The following SKIDA1 variants were observed in gnomAD, a reference collection of about 807,000 sequenced individuals.
SKIDA1 encodes SKI/DACH domain-containing protein 1.
SKIDA1 carries 18 observed loss-of-function variants against 51.4 expected under a neutral mutation model. That is an observed-to-expected ratio of 0.35 (90% CI 0.24 to 0.52). SKIDA1 has a LOEUF of 0.52. Among genes scored for constraint, SKIDA1 ranks in the 20% least tolerant of loss-of-function variants. The pLI is 0.95. For missense variants in SKIDA1, 1,104 were observed against 1,180.6 expected (o/e 0.94, Z 0.95); for synonymous variants, 579 against 500.5 (o/e 1.16, Z -2.09).
At position 21,516,059 on chromosome 10, in the gene SKIDA1, T is replaced by C. The variant is rs745522377; in HGVS notation, c.1764A>G (p.Ala588=). The C allele has an allele frequency of 6.2e-7, 1 of 1,614,074 alleles. No homozygotes were observed. Among genetic ancestry groups the C allele is most frequent in the Non-Finnish European group, 8.5e-7 (1 of 1,179,898 alleles). Residue 588 remains alanine, a synonymous_variant, in exon 4 of 4, where the codon GCA becomes GCG. Coordinates refer to ENST00000449193, the MANE Select transcript of SKIDA1 (RefSeq NM_207371.4). The surrounding 1 kb of genome is among the most constrained non-coding windows in gnomAD (Gnocchi z 5.7). Reference sequence around the variant, plus strand: ...CTCGGAGTATTCTTTGTTGTGGAAATGCATTGTTTGTCTTTGGGCTAGGTG... The same window carrying C: ...CTCGGAGTATTCTTTGTTGTGGAAACGCATTGTTTGTCTTTGGGCTAGGTG... ...ASSPSPKTNN[A]FPQQRILREA... is the part of the protein sequence containing the mutation.
chr10:21,517,392 C>T lies in SKIDA1; in HGVS notation c.431G>A (p.Gly144Glu), dbSNP rs7072980. 5.8e-3 allele frequency: 8,236 copies of T among 1,427,930 alleles called. 412 individuals are homozygous for T. The African/African-American group carries it at 0.11, about 19-fold the overall frequency. 88.5% of individuals were successfully genotyped at this position (1,427,930 alleles called of 1,614,324 possible). A position where few individuals can be genotyped will look rare whatever the true frequency, so the allele number is the denominator to read the frequency against. Residue 144 changes from glycine to glutamate, a missense_variant, in exon 4 of 4, where the codon GGA (glycine) becomes GAA (glutamate). This residue lies in a region of SKIDA1 where 938 missense variants were observed against 886.4 expected (regional missense o/e 1.06). Transcript: ENST00000449193. The surrounding 1 kb of genome is among the most constrained non-coding windows in gnomAD (Gnocchi z 6.9). ...GCTGATTGGCAGGGGCCGCGCGGCTCCGCTCAGGCCCCGCCAAAGTTGGTG... is the reference window on the plus strand; with the variant it reads ...GCTGATTGGCAGGGGCCGCGCGGCTTCGCTCAGGCCCCGCCAAAGTTGGTG... Reference protein sequence around the residue: ...DKHQLWRGLSGAARPLPISAQ... With the variant: ...DKHQLWRGLSEAARPLPISAQ...
Position 21,513,703 on chromosome 10 carries a change from T to A in SKIDA1, c.*1393A>T, listed in dbSNP as rs1236591255. The A allele has an allele frequency of 6.6e-6, 1 of 152,592 alleles. No individual in the cohort carries two copies. Among genetic ancestry groups the A allele is most frequent in the Non-Finnish European group, 1.5e-5 (1 of 68,028 alleles). The allele number at this position is 152,592 out of a possible 1,614,324, so 9.5% of individuals were successfully genotyped here. On this transcript the variant is annotated 3_prime_UTR_variant, in exon 4 of 4. Coordinates refer to ENST00000449193, the MANE Select transcript of SKIDA1 (RefSeq NM_207371.4). ...TTGCAGTAGAAACTCTCCTGCTCTA[T>A]ACACAGGATGGTCTGAAAACACAAG...
chr10:21,517,273 T>C lies in SKIDA1; in HGVS notation c.550A>G (p.Ile184Val), dbSNP rs1434528760. 6.3e-5 allele frequency: 93 copies of C among 1,470,500 alleles called. No individual in the cohort carries two copies. The Middle Eastern group carries it at 8.8e-4, about 14-fold the overall frequency. 91.1% of individuals were successfully genotyped at this position (1,470,500 alleles called of 1,614,324 possible). A position where few individuals can be genotyped will look rare whatever the true frequency, so the allele number is the denominator to read the frequency against. ...SKYPGSHYPEIVRSPCKPPLN... is the reference protein window; with the variant it reads ...SKYPGSHYPEVVRSPCKPPLN... ...GGGGGTTTGCACGGCGAGCGCACGA[T>C]CTCCGGGTAGTGCGAGCCGGGGTAT... The change falls in exon 4 of 4, where the codon ATC becomes GTC. Residue 184 changes from isoleucine to valine, a missense_variant. Transcript: ENST00000449193. The surrounding 1 kb of genome is among the most constrained non-coding windows in gnomAD (Gnocchi z 6.9).
chr10:21,515,969 A>G lies in SKIDA1; in HGVS notation c.1854T>C (p.Ala618=), dbSNP rs1564333062. The G allele has an allele frequency of 6.2e-7, 1 of 1,613,888 alleles. No individual in the cohort carries two copies. The highest frequency in any genetic ancestry group is 1.1e-5 in the South Asian group (1 of 91,072). ...THCADNNTIA[A]RFLNNDSSGA... ...CTGAAGAATCATTATTTAAGAACCT[A>G]GCAGCTATTGTGTTGTTATCTGCAC... Residue 618 remains alanine (A), a synonymous_variant, in exon 4 of 4, where the codon GCT becomes GCC. Transcript: ENST00000449193.
chr10:21,523,368 T>A (rs1359691774), intron 2 of SKIDA1, among the ~76,000 whole-genome samples: 1 of 152,176 alleles, frequency 6.6e-6, no homozygotes, highest in Non-Finnish European at 1.5e-5. Flanking sequence ...AAATAAAGAA[T>A]GTTTACAGCT....
Position 21,516,578 on chromosome 10 carries a change from C to G in SKIDA1, c.1245G>C (p.Glu415Asp), listed in dbSNP as rs2032216797. The change falls in exon 4 of 4, where the codon GAG becomes GAC. Residue 415 changes from glutamate (E) to aspartate (D), a missense_variant. Coordinates refer to ENST00000449193, the MANE Select transcript of SKIDA1 (RefSeq NM_207371.4). This position sits in a 1 kb window ranked among gnomAD's most constrained non-coding sequence, Gnocchi z 5.7. ...CCTCCTCCTCCTCCTCTCCCTCCTCCTCCTCTTCCTCTGAGGACACAGAAT... is the reference window on the plus strand; with the variant it reads ...CCTCCTCCTCCTCCTCTCCCTCCTCGTCCTCTTCCTCTGAGGACACAGAAT... ...SSNSVSSEEEEEEGEEEEEEE... is the reference protein window; with the variant it reads ...SSNSVSSEEEDEEGEEEEEEE... The G allele has an allele frequency of 3.2e-6, 5 of 1,552,334 alleles. No homozygotes were observed. The highest frequency in any genetic ancestry group is 4.4e-6 in the Non-Finnish European group (5 of 1,147,386).
Position 21,523,849 on chromosome 10 carries a change from T to C in SKIDA1, c.-2095A>G, listed in dbSNP as rs2032519040. ...GAGCACTGGAGCCAATCACTGTCTTTCACTGCTGCAGCTACTGGGAACCTA... is the reference window on the plus strand; with the variant it reads ...GAGCACTGGAGCCAATCACTGTCTTCCACTGCTGCAGCTACTGGGAACCTA... On this transcript the variant is annotated 5_prime_UTR_variant, in exon 2 of 4. Transcript: ENST00000449193. 1 of 150,782 alleles carries C rather than the reference T, an allele frequency of 6.6e-6. No homozygotes were observed. The highest frequency in any genetic ancestry group is 6.6e-5 in the Admixed American group (1 of 15,092). 9.3% of individuals were successfully genotyped at this position (150,782 alleles called of 1,614,324 possible).
rs1322950866 is a variant in SKIDA1, at chr10:21,519,367, T to C, written c.-1545A>G. 1 of 167,116 alleles carries C rather than the reference T, an allele frequency of 6.0e-6. No individual in the cohort carries two copies. Among genetic ancestry groups the C allele is most frequent in the East Asian group, 1.9e-4 (1 of 5,204 alleles). The allele number at this position is 167,116 out of a possible 1,614,324, so 10.4% of individuals were successfully genotyped here. A position where few individuals can be genotyped will look rare whatever the true frequency, so the allele number is the denominator to read the frequency against. On this transcript the variant is annotated 5_prime_UTR_variant, in exon 4 of 4. Coordinates refer to ENST00000449193, the MANE Select transcript of SKIDA1 (RefSeq NM_207371.4). ...AAGCATCTGCTTTAACAAAATCACT[T>C]TGGATGAAAATCAATGTGGTTTAAC...
chr10:21,521,058 GCACA>G (rs139184900), intron 3 of SKIDA1, among the ~76,000 whole-genome samples: 14 of 146,766 alleles, frequency 9.5e-5, no homozygotes, highest in East Asian at 6.0e-4. Flanking sequence ...ATGAGTGCAT[GCACA>G]CACACACACA....
At chr10:21,522,725 C>A (rs1411807570) in intron 2 of SKIDA1, among the ~76,000 whole-genome samples, 1 of 152,228 alleles carries the variant, frequency 6.6e-6, no homozygotes, top group East Asian at 1.9e-4. Flanking sequence ...AAGGGCCCAT[C>A]CCTCTGTTCT....
At chr10:21,524,597 G>T (rs950272318) in intron 1 of SKIDA1, 1 of 108,548 alleles carries the variant, frequency 9.2e-6, no homozygotes, top group Non-Finnish European at 2.1e-5. Flanking sequence ...AAGGCGGGGG[G>T]GGGGGGGGGC....
At chr10:21,520,981 C>G (rs1168617118) in intron 3 of SKIDA1, among the ~76,000 whole-genome samples, 1 of 151,570 alleles carries the variant, frequency 6.6e-6, no homozygotes, top group Non-Finnish European at 1.5e-5. Context: ...CTAATACATT[C>G]TTTTGTTCCT....
In SKIDA1 at chr10:21,516,841, G is replaced by A. The variant is rs1317246912; in HGVS notation, c.982C>T (p.Leu328=). The change falls in exon 4 of 4, where the codon CTG becomes TTG. Residue 328 remains leucine (L), a synonymous_variant. Transcript: ENST00000449193. This position sits in a 1 kb window ranked among gnomAD's most constrained non-coding sequence, Gnocchi z 5.7. ...GGAGGCGGGCAGAAGCCGTTGACCA[G>A]ATGAAACCTCTCCAGGCAAGTGGCC... ...AGATCLERFH[L]VNGFCPPPHH... is the part of the protein sequence containing the mutation. 6.5e-7 allele frequency: 1 copy of A among 1,540,130 alleles called. No individual in the cohort carries two copies. Among genetic ancestry groups the A allele is most frequent in the African/African-American group, 1.4e-5 (1 of 72,788 alleles).
chr10:21,517,316 T>C lies in SKIDA1; in HGVS notation c.507A>G (p.Leu169=), dbSNP rs763465194. The C allele has an allele frequency of 5.7e-5, 82 of 1,441,422 alleles. No homozygotes were observed. The highest frequency in any genetic ancestry group is 7.0e-5 in the Non-Finnish European group (77 of 1,094,384). The allele number at this position is 1,441,422 out of a possible 1,614,324, so 89.3% of individuals were successfully genotyped here. ...CGGGGTATTTGCTAAAAATCTGAGG[T>C]AGATGGGCGGCGGGGCGCGCGGCGG... ...GAAAARPAAH[L]PQIFSKYPGS... Residue 169 remains leucine, a synonymous_variant, in exon 4 of 4, where the codon CTA becomes CTG. Transcript: ENST00000449193. This position sits in a 1 kb window ranked among gnomAD's most constrained non-coding sequence, Gnocchi z 6.9.
chr10:21,516,017 T>G lies in SKIDA1; in HGVS notation c.1806A>C (p.Leu602=), dbSNP rs2032190461. ...QRILREARKC[L]QTTPTTHCAD... ...CACAGTGTGTAGTAGGAGTTGTTTG[T>G]AGGCATTTCCTAGCCTCTCGGAGTA... The change falls in exon 4 of 4, where the codon CTA becomes CTC. Residue 602 remains leucine, a synonymous_variant. Transcript: ENST00000449193. The surrounding 1 kb of genome is among the most constrained non-coding windows in gnomAD (Gnocchi z 5.7). The G allele has an allele frequency of 6.2e-7, 1 of 1,613,970 alleles. No homozygotes were observed. The highest frequency in any genetic ancestry group is 1.1e-5 in the South Asian group (1 of 91,086).
intron 2 of SKIDA1, among the ~76,000 whole-genome samples, chr10:21,522,291 C>CG (rs2032424350): frequency 1.9e-5 from 1 of 52,214 alleles, no homozygotes; most frequent in Admixed American, 1.5e-4. Context: ...CCCCCCCCCC[C>CG]GCCACCAGCT....
Position 21,523,722 on chromosome 10 carries a change from C to G in SKIDA1, c.-1968G>C, listed in dbSNP as rs544146223. On this transcript the variant is annotated 5_prime_UTR_variant, in exon 2 of 4. Coordinates refer to ENST00000449193, the MANE Select transcript of SKIDA1 (RefSeq NM_207371.4). ...GCCATACTGAAATCCTGAGCCACCACGAGGGGAGAGAGGAGAGACAAGACA... is the reference window on the plus strand; with the variant it reads ...GCCATACTGAAATCCTGAGCCACCAGGAGGGGAGAGAGGAGAGACAAGACA... 1.3e-5 allele frequency: 2 copies of G among 152,130 alleles called. No individual in the cohort carries two copies. Among genetic ancestry groups the G allele is most frequent in the South Asian group, 4.2e-4 (2 of 4,816 alleles). 9.4% of individuals were successfully genotyped at this position (152,130 alleles called of 1,614,324 possible). A position where few individuals can be genotyped will look rare whatever the true frequency, so the allele number is the denominator to read the frequency against.
chr10:21,520,440 A>G (rs1219599253), intron 3 of SKIDA1, among the ~76,000 whole-genome samples: 2 of 151,768 alleles, frequency 1.3e-5, no homozygotes, highest in Admixed American at 6.6e-5. Flanking sequence ...CTTCTGATGC[A>G]CTTATATAGT....
chr10:21,524,425 G>C (rs1264941577), intron 1 of SKIDA1, among the ~76,000 whole-genome samples: 1 of 152,014 alleles, frequency 6.6e-6, no homozygotes, highest in Non-Finnish European at 1.5e-5. Context: ...ACTATTTGGT[G>C]ATGTGGTGCA....
Sources: gnomAD v4.1 joint callset for allele counts (sites outside exome capture counted in the v4.1 genomes callset) on GRCh38, gnomAD v4.1.1 for gene constraint, gnomAD v4.1.1 regional missense constraint, Gnocchi (gnomAD v3.1) non-coding constraint, MANE v1.5 for transcripts, NCBI Gene and HGNC (gene_info 2026-07-23, HGNC 2026-07-21) for gene names.